The following MAP4K1 variants were observed in gnomAD, a reference collection of about 807,000 sequenced individuals.
The protein encoded by MAP4K1 is MAPK/ERK kinase kinase kinase 1.
Under a neutral mutation model 122.8 loss-of-function variants are expected in MAP4K1, and 35 were observed. The observed-to-expected ratio is 0.29, with a 90% CI of 0.22 to 0.38. The LOEUF (loss-of-function observed/expected upper bound fraction) is 0.38, where lower values mean the gene tolerates loss of function less well. Ranked by LOEUF, MAP4K1 falls within the 10% of genes least tolerant of loss-of-function variation. MAP4K1 has a pLI of 1.00. For synonymous variants in MAP4K1, 412 were observed against 421.3 expected (o/e 0.98, Z 0.27); for missense variants, 791 against 1,072.6 (o/e 0.74, Z 3.67).
At position 38,605,441 on chromosome 19, in the gene MAP4K1, G is replaced by A. The variant is rs1363293001; in HGVS notation, c.1414C>T (p.Leu472=). The change falls in exon 19 of 31, where the codon CTG becomes TTG. Residue 472 remains leucine (L), a synonymous_variant. Coordinates refer to ENST00000396857, the MANE Select transcript of MAP4K1 (RefSeq NM_001042600.3). ...TTCATCTTTTCCTTCTTGGGGGGCA[G>A]AAGTGGGGGCTTGTCAAGCTCCCGG... is the stretch of plus-strand genomic sequence containing the variant. ...PSRELDKPPL[L]PPKKEKMKRK... The A allele has an allele frequency of 6.2e-7, 1 of 1,602,064 alleles. No homozygotes were observed. The highest frequency in any genetic ancestry group is 1.1e-5 in the South Asian group (1 of 88,674).
Position 38,596,413 on chromosome 19 carries a change from G to A in MAP4K1, c.2015C>T (p.Ala672Val). The change falls in exon 26 of 31, where the codon GCT becomes GTT. Residue 672 changes from alanine to valine, a missense_variant. Around this residue, in one of 4 missense-constraint regions of MAP4K1, gnomAD observed 267 missense variants for 323.0 expected, o/e 0.83. Coordinates refer to ENST00000396857, the MANE Select transcript of MAP4K1 (RefSeq NM_001042600.3). ...LLTGPGSELP[A>V]VCIGVSPGRP... ...CCCGGGGCTCACGCCGATGCACACA[G>A]CGGGCAGCTCAGAGCCTGGCCCGGT... 1 of 1,594,634 alleles carries A rather than the reference G, an allele frequency of 6.3e-7. No individual in the cohort carries two copies. Among genetic ancestry groups the A allele is most frequent in the Non-Finnish European group, 8.5e-7 (1 of 1,174,644 alleles).
intron 22 of MAP4K1, among the ~76,000 whole-genome samples, chr19:38,598,513 G>T (rs1487723224): frequency 2.0e-5 from 3 of 151,880 alleles, no homozygotes; most frequent in Non-Finnish European, 4.4e-5. Flanking sequence ...TTAATTTTTA[G>T]TAGAGACGAG....
intron 26 of MAP4K1, 75 bp downstream of exon 26, chr19:38,596,237 A>T: frequency 6.8e-7 from 1 of 1,467,476 alleles, no homozygotes; most frequent in Non-Finnish European, 9.0e-7. Flanking sequence ...CCTCAGGCTA[A>T]GCGAAGCCCC....
chr19:38,603,222 A>ATACATATACACATATATATACACATG, intron 19 of MAP4K1, among the ~76,000 whole-genome samples: 1 of 147,328 alleles, frequency 6.8e-6, no homozygotes, highest in Non-Finnish European at 1.5e-5. Context: ...ATATACACAT[A>ATACATATACACATATATATACACATG]TACATATACA....
At chr19:38,603,469 T>C (rs1360228131) in intron 19 of MAP4K1, among the ~76,000 whole-genome samples, 2 of 151,720 alleles carry the variant, frequency 1.3e-5, no homozygotes, top group Non-Finnish European at 2.9e-5. Context: ...TATATGTATA[T>C]GTATATATGT....
At chr19:38,611,608 CAAAA>C (rs1555812280) in intron 9 of MAP4K1, among the ~76,000 whole-genome samples, 1 of 148,776 alleles carries the variant, frequency 6.7e-6, no homozygotes. Context: ...CATAGTGAGA[CAAAA>C]AAAAAATTTT....
At chr19:38,603,289 C>T (rs573195989) in intron 19 of MAP4K1, among the ~76,000 whole-genome samples, 40 of 150,212 alleles carry the variant, frequency 2.7e-4, no homozygotes, top group Admixed American at 5.3e-4. Flanking sequence ...TACATATACA[C>T]ACACACATAC....
rs578058111 is a variant in MAP4K1 at position 38,596,015 on chromosome 19, G to A, written c.2117-14C>T. 1.2e-6 allele frequency: 2 copies of A among 1,613,300 alleles called. No homozygotes were observed. The highest frequency in any genetic ancestry group is 2.2e-5 in the East Asian group (1 of 44,866). On this transcript the variant is annotated splice_polypyrimidine_tract_variant and intron_variant, in intron 26 of 30. Coordinates refer to ENST00000396857, the MANE Select transcript of MAP4K1 (RefSeq NM_001042600.3). ...GTCCCCTGTGCTCTGTTTGGGGGGAGTGGGTTAAGGATTGACCCCACCCCA... is the reference window on the plus strand; with the variant it reads ...GTCCCCTGTGCTCTGTTTGGGGGGAATGGGTTAAGGATTGACCCCACCCCA...
chr19:38,603,199 T>C (rs930957876), intron 19 of MAP4K1, among the ~76,000 whole-genome samples: 6 of 149,140 alleles, frequency 4.0e-5, no homozygotes. Context: ...CATATACATA[T>C]ATACACATAC....
rs900507434 is a variant in MAP4K1, at chr19:38,612,027, G to A, written c.665+584C>T. Among the ~76,000 whole-genome samples the A allele has an allele frequency of 2.0e-5, 3 of 151,242 alleles. No individual in the cohort carries two copies. The East Asian group carries it at 5.8e-4, about 29-fold the overall frequency. On this transcript the variant is annotated intron_variant, in intron 9 of 30. Coordinates refer to ENST00000396857, the MANE Select transcript of MAP4K1 (RefSeq NM_001042600.3). ...GTGGTAGAATCACTTGAACCCTGGA[G>A]GCAGAGGTTGCAGTGAGCTGAGATC...
chr19:38,617,802 A>C lies in MAP4K1; in HGVS notation c.94T>G (p.Phe32Val), dbSNP rs1354470377. The C allele has an allele frequency of 1.2e-6, 2 of 1,613,794 alleles. No individual in the cohort carries two copies. The highest frequency in any genetic ancestry group is 1.7e-6 in the Non-Finnish European group (2 of 1,179,930). The change falls in exon 1 of 31, where the codon TTT becomes GTT. Residue 32 changes from phenylalanine (F) to valine (V), a missense_variant. By Grantham distance (50) the Phe-to-Val change is conservative. This residue lies in a region of MAP4K1 where 163 missense variants were observed against 286.1 expected (regional missense o/e 0.57). Transcript: ENST00000396857. This position sits in a 1 kb window ranked among gnomAD's most constrained non-coding sequence, Gnocchi z 4.1. ...GGACAGAGGGGCTTCCTCACCTTAA[A>C]GACTTCCCCATACGTGCCGCCACCC... ...RLGGGTYGEV[F>V]KARDKVSGDL...
intron 20 of MAP4K1, 89 bp from the exon 21 acceptor site, chr19:38,600,242 T>C (rs1369441749): frequency 3.9e-6 from 4 of 1,015,804 alleles, no homozygotes; most frequent in East Asian, 2.5e-5. Context: ...ACTGACACTC[T>C]GTCCCCAGCT....
At chr19:38,607,716 GA>G in intron 16 of MAP4K1, 147 bp downstream of exon 16, 1 of 825,426 alleles carries the variant, frequency 1.2e-6, no homozygotes, top group Non-Finnish European at 1.9e-6. Context: ...GGGCTGCATT[GA>G]GGGTCTAATC....
At chr19:38,611,400 G>T in intron 9 of MAP4K1, 95 bp from the exon 10 acceptor site, 1 of 821,300 alleles carries the variant, frequency 1.2e-6, no homozygotes, top group Non-Finnish European at 2.1e-6. Flanking sequence ...GTCAGCAGAG[G>T]GCAAAGTGAG....
At chr19:38,606,716 A>C (rs1975339487) in intron 16 of MAP4K1, among the ~76,000 whole-genome samples, 1 of 152,024 alleles carries the variant, frequency 6.6e-6, no homozygotes. Flanking sequence ...GCCTGTTTCC[A>C]AAAAAAAGAC....
chr19:38,590,384 AAAAAAAAAAAATATATATAT>A (rs1400523982), intron 30 of MAP4K1, among the ~76,000 whole-genome samples: 1 of 73,596 alleles, frequency 1.4e-5, no homozygotes, highest in Non-Finnish European at 2.4e-5. Context: ...AAAAAAAAAA[AAAAAAAAAAAATATATATAT>A]ATATATATAT....
rs755317509 is a variant in MAP4K1, at chr19:38,605,627, T to C, written c.1304A>G (p.Asn435Ser). The C allele has an allele frequency of 6.3e-7, 1 of 1,587,564 alleles. No individual in the cohort carries two copies. The highest frequency in any genetic ancestry group is 1.1e-5 in the South Asian group (1 of 88,170). Residue 435 changes from asparagine to serine, a missense_variant, in exon 18 of 31, where the codon AAC becomes AGC. Transcript: ENST00000396857. ...TGGGGGAGGCCCAGGACGGGGGCTGTTTGGTGGGGGCCCACTGGCACACCG... is the reference window on the plus strand; with the variant it reads ...TGGGGGAGGCCCAGGACGGGGGCTGCTTGGTGGGGGCCCACTGGCACACCG... Reference protein sequence around the residue: ...LVRCASGPPPNSPRPGPPPST... With the variant: ...LVRCASGPPPSSPRPGPPPST...
At chr19:38,594,910 C>T (rs570875742) in intron 29 of MAP4K1, among the ~76,000 whole-genome samples, 3 of 151,500 alleles carry the variant, frequency 2.0e-5, no homozygotes, top group East Asian at 3.9e-4. Flanking sequence ...CACTACACTC[C>T]AGCCTGGGTG....
intron 11 of MAP4K1, 85 bp downstream of exon 11, chr19:38,610,966 A>T: frequency 8.0e-7 from 1 of 1,252,990 alleles, no homozygotes; most frequent in Non-Finnish European, 1.1e-6. Flanking sequence ...CGGGGACTCC[A>T]TGGAACAAAG....
Sources: allele counts gnomAD v4.1 joint callset (sites outside exome capture counted in the v4.1 genomes callset), GRCh38; gene constraint gnomAD v4.1.1; regional missense constraint gnomAD v4.1.1; non-coding constraint Gnocchi (gnomAD v3.1); transcripts MANE v1.5; gene names NCBI Gene and HGNC (gene_info 2026-07-23, HGNC 2026-07-21).